XPO4: variants seen among roughly 807,000 people sequenced by gnomAD.
XPO4 encodes the protein exportin-4.
Under a neutral mutation model 143.0 loss-of-function variants are expected in XPO4, and 39 were observed. That is an observed-to-expected ratio of 0.27 (90% CI 0.21 to 0.36). The LOEUF (loss-of-function observed/expected upper bound fraction) is 0.36, where lower values mean the gene tolerates loss of function less well. Ranked by LOEUF, XPO4 falls within the 10% of genes least tolerant of loss-of-function variation. XPO4 has a pLI of 1.00. For missense variants in XPO4, 907 were observed against 1,348.0 expected, an observed-to-expected ratio of 0.67 and a Z score of 5.12; for synonymous variants, 439 against 474.0, an observed-to-expected ratio of 0.93 and a Z score of 0.96.
intron 1 of XPO4, among the ~76,000 whole-genome samples, chr13:20,885,242 G>C (rs1000417496): frequency 4.6e-5 from 7 of 152,174 alleles, no homozygotes; most frequent in Admixed American, 2.0e-4. Flanking sequence ...GAGCCACCGT[G>C]CCCAGCCAGG....
chr13:20,884,420 C>T (rs1050704695), intron 1 of XPO4, among the ~76,000 whole-genome samples: 3 of 151,874 alleles, frequency 2.0e-5, no homozygotes, highest in Non-Finnish European at 2.9e-5. Context: ...CGATCCGATC[C>T]GATCCAATCC....
At chr13:20,832,390 T>TTA (rs1439854473) in intron 6 of XPO4, among the ~76,000 whole-genome samples, 1 of 152,194 alleles carries the variant, frequency 6.6e-6, no homozygotes, top group Non-Finnish European at 1.5e-5. Context: ...TGATTGTGAA[T>TTA]GACACTCAAA....
intron 17 of XPO4, among the ~76,000 whole-genome samples, chr13:20,796,539 T>C (rs926310689): frequency 3.7e-4 from 57 of 152,188 alleles, no homozygotes; most frequent in Non-Finnish European, 1.0e-4. Context: ...GTTCTGTATA[T>C]GTATCCTGTT....
intron 19 of XPO4, among the ~76,000 whole-genome samples, 179 bp from the exon 20 acceptor site, chr13:20,788,795 A>G (rs933828755): frequency 6.6e-6 from 1 of 152,268 alleles, no homozygotes; most frequent in African/African-American, 2.4e-5. Flanking sequence ...AATAAAGGGC[A>G]TATTTTAGTA....
Position 20,790,487 on chromosome 13 carries a change from G to A in XPO4, c.2891C>T (p.Pro964Leu). Residue 964 changes from proline (P) to leucine (L), a missense_variant, in exon 19 of 23, where the codon CCC becomes CTC. Transcript: ENST00000255305. ...CTTCAAGAGATCCTGTGACATCAAGGGCAGAATTAGGTTTACTCCATACAA... is the reference window on the plus strand; with the variant it reads ...CTTCAAGAGATCCTGTGACATCAAGAGCAGAATTAGGTTTACTCCATACAA... ...VVLYGVNLIL[P>L]LMSQDLLKFP... The A allele has an allele frequency of 6.2e-7, 1 of 1,613,926 alleles. No homozygotes were observed. Among genetic ancestry groups the A allele is most frequent in the Non-Finnish European group, 8.5e-7 (1 of 1,179,928 alleles).
chr13:20,821,686 T>C lies in XPO4; in HGVS notation c.1173+18A>G. The C allele has an allele frequency of 6.2e-7, 1 of 1,603,052 alleles. No homozygotes were observed. The highest frequency in any genetic ancestry group is 2.2e-5 in the East Asian group (1 of 44,626). ...CCTTGTGAAAACTGACACAATTTACTTTAGAATAGTCACTCACCACTTCTT... is the reference window on the plus strand; with the variant it reads ...CCTTGTGAAAACTGACACAATTTACCTTAGAATAGTCACTCACCACTTCTT... On this transcript the variant is annotated intron_variant, in intron 9 of 22. Transcript: ENST00000255305.
intron 9 of XPO4, among the ~76,000 whole-genome samples, chr13:20,816,473 T>G (rs2059652484): frequency 6.6e-6 from 1 of 152,220 alleles, no homozygotes; most frequent in African/African-American, 2.4e-5. Context: ...AAATACAGAA[T>G]TAATTTAACT....
At chr13:20,883,343 C>G (rs889076679) in intron 1 of XPO4, among the ~76,000 whole-genome samples, 2 of 152,124 alleles carry the variant, frequency 1.3e-5, no homozygotes, top group Admixed American at 6.5e-5. Context: ...CACTAAAAAT[C>G]AGAAAACCCA....
chr13:20,845,493 T>C (rs2060021367), intron 4 of XPO4, among the ~76,000 whole-genome samples: 1 of 152,172 alleles, frequency 6.6e-6, no homozygotes. Context: ...AAGAAACCCA[T>C]TTAACTGCCT....
chr13:20,821,322 A>AC (rs1173361171), intron 9 of XPO4, among the ~76,000 whole-genome samples: 2 of 151,978 alleles, frequency 1.3e-5, no homozygotes, highest in Non-Finnish European at 2.9e-5. Flanking sequence ...AAAAAAAAAA[A>AC]AATTACACGT....
chr13:20,786,873 A>T, intron 22 of XPO4, 92 bp downstream of exon 22: 1 of 1,005,454 alleles, frequency 9.9e-7, no homozygotes, highest in South Asian at 1.7e-5. Flanking sequence ...CACAGATCCT[A>T]TAAGGGGGGA....
intron 1 of XPO4, among the ~76,000 whole-genome samples, chr13:20,890,762 G>T (rs2138178956): frequency 7.1e-6 from 1 of 140,630 alleles, no homozygotes; most frequent in African/African-American, 2.7e-5. Flanking sequence ...TTGCGCAACT[G>T]CACTCCAGCC....
chr13:20,864,510 A>G (rs1393413315), intron 2 of XPO4, among the ~76,000 whole-genome samples: 1 of 152,200 alleles, frequency 6.6e-6, no homozygotes, highest in East Asian at 1.9e-4. Context: ...CCTCCATTTT[A>G]CAGGAGCTGA....
intron 4 of XPO4, among the ~76,000 whole-genome samples, chr13:20,847,537 T>C (rs895497788): frequency 2.6e-5 from 4 of 152,192 alleles, no homozygotes; most frequent in Admixed American, 6.5e-5. Context: ...AGAATGTTCT[T>C]ATCTGCCTCC....
At chr13:20,853,701 G>C (rs995280359) in intron 4 of XPO4, among the ~76,000 whole-genome samples, 1 of 151,942 alleles carries the variant, frequency 6.6e-6, no homozygotes, top group African/African-American at 2.4e-5. Flanking sequence ...TTAAATTATC[G>C]GTCTTTAGAA....
intron 6 of XPO4, among the ~76,000 whole-genome samples, chr13:20,830,929 C>T (rs2059845191): frequency 6.6e-6 from 1 of 152,010 alleles, no homozygotes; most frequent in Non-Finnish European, 1.5e-5. Flanking sequence ...TAGTGAAGAG[C>T]ATATCACAAT....
In XPO4 at chr13:20,889,592, T is replaced by G. The variant is rs1316715420; in HGVS notation, c.69+13078A>C. ...ACCCGAAATGCTAATAATGGCAAGT[T>G]TGAGAAATCCTGCCCTAAATGAATT... is the stretch of plus-strand genomic sequence containing the variant. On this transcript the variant is annotated intron_variant, in intron 1 of 22. Transcript: ENST00000255305. 2.6e-5 allele frequency among the ~76,000 whole-genome samples: 4 copies of G among 152,168 alleles called. No individual in the cohort carries two copies. The East Asian group carries it at 7.7e-4, about 29-fold the overall frequency.
chr13:20,813,256 G>A (rs2059606745), intron 9 of XPO4, among the ~76,000 whole-genome samples: 1 of 152,032 alleles, frequency 6.6e-6, no homozygotes, highest in Non-Finnish European at 1.5e-5. Context: ...GATTTGGGTG[G>A]GGACACAGAG....
chr13:20,902,625 C>G (rs556409788), intron 1 of XPO4, 45 bp downstream of exon 1: 148 of 1,512,222 alleles, frequency 9.8e-5, no homozygotes, highest in Non-Finnish European at 1.3e-4. Flanking sequence ...CAGGGCCGAC[C>G]GGGGGCCCGC....
Sources: gnomAD v4.1 joint callset for allele counts (sites outside exome capture counted in the v4.1 genomes callset) on GRCh38, gnomAD v4.1.1 for gene constraint, MANE v1.5 for transcripts, NCBI Gene and HGNC (gene_info 2026-07-23, HGNC 2026-07-21) for gene names.